USP54: variants seen among roughly 807,000 people sequenced by gnomAD.
The protein encoded by USP54 is ubiquitin carboxyl-terminal hydrolase 54.
Under a neutral mutation model 170.5 loss-of-function variants are expected in USP54, and 87 were observed. The ratio of observed to expected loss-of-function variants is 0.51; its 90% CI spans 0.43 to 0.61. USP54 has a LOEUF of 0.61. Among genes scored for constraint, USP54 ranks in the 20% least tolerant of loss-of-function variants. The pLI is 0.00. For synonymous variants in USP54, 655 were observed against 742.8 expected, an observed-to-expected ratio of 0.88 and a Z score of 1.92; for missense variants, 1,786 against 2,047.8, an observed-to-expected ratio of 0.87 and a Z score of 2.47.
intron 22 of USP54, chr10:73,504,535 T>G: frequency 3.3e-6 from 1 of 301,412 alleles, no homozygotes; most frequent in Admixed American, 4.5e-5. Flanking sequence ...TTTCTTTGAT[T>G]AGTGCAGTGG....
chr10:73,520,062 G>A (rs2061667474), intron 18 of USP54, 70 bp from the exon 19 acceptor site: 27 of 1,517,292 alleles, frequency 1.8e-5, no homozygotes, highest in Admixed American at 1.5e-4. Flanking sequence ...GAATAAAATT[G>A]AAAAAAAATG....
chr10:73,530,384 G>A lies in USP54; in HGVS notation c.1587C>T (p.Gly529=). ...RPSLASQTNV[G]SHCRGRGGDQ... ...CTCCTCCTCTGCCCCTGCAGTGAGA[G>A]CCTACATTGGTCTGAGAAGCCAGGG... Residue 529 remains glycine, a synonymous_variant, in exon 14 of 24, where the codon GGC becomes GGT. Transcript: ENST00000687698. The A allele has an allele frequency of 6.2e-7, 1 of 1,614,200 alleles. No individual in the cohort carries two copies. Among genetic ancestry groups the A allele is most frequent in the South Asian group, 1.1e-5 (1 of 91,084 alleles).
intron 20 of USP54, among the ~76,000 whole-genome samples, chr10:73,508,318 A>G (rs2059555429): frequency 6.6e-6 from 1 of 151,878 alleles, no homozygotes; most frequent in Admixed American, 6.6e-5. Flanking sequence ...GAGGCAGGAG[A>G]ATCACTTAAA....
chr10:73,543,207 C>G (rs1362905548), intron 5 of USP54, 76 bp from the exon 6 acceptor site: 2 of 1,017,512 alleles, frequency 2.0e-6, no homozygotes, highest in Non-Finnish European at 3.1e-6. Context: ...GCAGCTTACC[C>G]ATAGAAACAG....
At chr10:73,597,291 C>T (rs2078811656) in intron 1 of USP54, among the ~76,000 whole-genome samples, 1 of 152,172 alleles carries the variant, frequency 6.6e-6, no homozygotes, top group Non-Finnish European at 1.5e-5. Flanking sequence ...TAACAAATTG[C>T]TACAAGATTA....
At position 73,517,667 on chromosome 10, in the gene USP54, C is replaced by T. The variant is rs1371520979; in HGVS notation, c.2759G>A (p.Ser920Asn). Reference sequence around the variant, plus strand: ...GGAAGCAGGTGAATGGAAGAAAGAACTGGCCCCAAACTCTGTATCCATGCC... The same window carrying T: ...GGAAGCAGGTGAATGGAAGAAAGAATTGGCCCCAAACTCTGTATCCATGCC... ...ESGMDTEFGA[S>N]SFFHSPASCH... Residue 920 changes from serine (S) to asparagine (N), a missense_variant, in exon 20 of 24, where the codon AGT becomes AAT. By Grantham distance (46) the Ser-to-Asn change is conservative. This residue lies in a region of USP54 where 1,418 missense variants were observed against 1,569.0 expected (regional missense o/e 0.90). Transcript: ENST00000687698. 1 of 1,614,092 alleles carries T rather than the reference C, an allele frequency of 6.2e-7. No individual in the cohort carries two copies. The highest frequency in any genetic ancestry group is 8.5e-7 in the Non-Finnish European group (1 of 1,180,050).
In USP54 at chr10:73,618,541, C is replaced by T. The variant is rs1392859945; in HGVS notation, c.-18+7026G>A. ...GGTGGATCACCTAAGGTCAGGAGTT[C>T]AAGACCAGCCTGGCCAACATGGTGA... On this transcript the variant is annotated intron_variant, in intron 1 of 22. Transcript: ENST00000339859. Among the ~76,000 whole-genome samples the T allele has an allele frequency of 1.3e-5, 2 of 149,780 alleles. 1 individual carries two copies. The highest frequency in any genetic ancestry group is 5.1e-5 in the African/African-American group (2 of 39,424).
chr10:73,569,902 CAAAAAAAAAAAA>C (rs34676499), intron 4 of USP54, among the ~76,000 whole-genome samples: 18 of 18,704 alleles, frequency 9.6e-4, no homozygotes, highest in East Asian at 3.3e-3. Flanking sequence ...ATTTCATCTC[CAAAAAAAAAAAA>C]AAAAAAAAAA....
chr10:73,572,488 G>C (rs1429053086), intron 3 of USP54, among the ~76,000 whole-genome samples: 4 of 152,168 alleles, frequency 2.6e-5, no homozygotes, highest in Non-Finnish European at 4.4e-5. Flanking sequence ...CATAATTTCT[G>C]GAGCCCCAGA....
intron 1 of USP54, among the ~76,000 whole-genome samples, chr10:73,605,163 C>T (rs1354213356): frequency 1.3e-5 from 2 of 152,170 alleles, no homozygotes; most frequent in Non-Finnish European, 2.9e-5. Context: ...AGTCCCCACT[C>T]GACCCAGGAG....
At position 73,504,970 on chromosome 10, in the gene USP54, G is replaced by A; in HGVS notation, c.4191C>T (p.Leu1397=). ...GCTCATCCTCCCCACACTCCCTGCT[G>A]AGGCCTCGGCAAGGTGTAGCCTTCA... ...RTSQATPCRG[L]SRECGEDEQY... is the part of the protein sequence containing the mutation. The change falls in exon 22 of 24, where the codon CTC becomes CTT. Residue 1397 remains leucine (L), a synonymous_variant. Transcript: ENST00000687698. 6.2e-7 allele frequency: 1 copy of A among 1,614,140 alleles called. No homozygotes were observed. The highest frequency in any genetic ancestry group is 8.5e-7 in the Non-Finnish European group (1 of 1,180,028).
At chr10:73,529,953 T>C in intron 14 of USP54, 42 bp from the exon 15 acceptor site, 2 of 1,515,694 alleles carry the variant, frequency 1.3e-6, no homozygotes, top group South Asian at 2.7e-5. Context: ...GAGGTAGATT[T>C]AGCATTTGCC....
chr10:73,596,191 G>T (rs1209910025), upstream of USP54, among the ~76,000 whole-genome samples: 1 of 151,890 alleles, frequency 6.6e-6, no homozygotes, highest in African/African-American at 2.4e-5. Context: ...GGAGGCCAAG[G>T]TGGACAGATC....
At chr10:73,557,694 C>T (rs1455067722) in intron 4 of USP54, among the ~76,000 whole-genome samples, 4 of 151,792 alleles carry the variant, frequency 2.6e-5, no homozygotes, top group Admixed American at 6.6e-5. Flanking sequence ...CCATGTTGGC[C>T]AGGCTGGTCT....
chr10:73,625,124 C>G (rs2081416335), intron 1 of USP54, among the ~76,000 whole-genome samples: 1 of 152,122 alleles, frequency 6.6e-6, no homozygotes, highest in African/African-American at 2.4e-5. Context: ...TGGGAAGAAA[C>G]GTAAGCTTAG....
At chr10:73,615,023 G>A (rs1384429255) in intron 1 of USP54, 1 of 150,228 alleles carries the variant, frequency 6.7e-6, no homozygotes, top group Non-Finnish European at 1.5e-5. Flanking sequence ...GGAGAGGTGT[G>A]GATAGTTAAT....
In USP54 at chr10:73,542,851, G is replaced by A. The variant is rs368500413; in HGVS notation, c.524C>T (p.Pro175Leu). Residue 175 changes from proline (P) to leucine (L), a missense_variant, in exon 7 of 24, where the codon CCG (proline) becomes CTG (leucine). Transcript: ENST00000687698. ...VCTSCGATSD[P>L]LPFIQMVHYI... is the part of the protein sequence containing the mutation. ...ATGTACCATCTGGATGAAAGGCAGC[G>A]GATCAGAAGTGGCACCACAGCTAGT... 82 of 1,614,052 alleles carry A rather than the reference G, an allele frequency of 5.1e-5. No individual in the cohort carries two copies. Among genetic ancestry groups the A allele is most frequent in the South Asian group, 9.9e-5 (9 of 91,078 alleles).
At chr10:73,609,064 C>T (rs944730876) in intron 1 of USP54, among the ~76,000 whole-genome samples, 1 of 152,134 alleles carries the variant, frequency 6.6e-6, no homozygotes, top group African/African-American at 2.4e-5. Context: ...TTCCTTAGAC[C>T]TAGTGGGCAT....
intron 1 of USP54, among the ~76,000 whole-genome samples, chr10:73,619,264 G>C (rs2080896083): frequency 6.7e-6 from 1 of 150,060 alleles, no homozygotes; most frequent in African/African-American, 2.5e-5. Context: ...GTGTCTGTTA[G>C]TTACTCAGCC....
Sources: allele counts gnomAD v4.1 joint callset (sites outside exome capture counted in the v4.1 genomes callset), GRCh38; gene constraint gnomAD v4.1.1; regional missense constraint gnomAD v4.1.1; transcripts MANE v1.5; gene names NCBI Gene and HGNC (gene_info 2026-07-23, HGNC 2026-07-21).